MTMR14: variants seen among roughly 807,000 people sequenced by gnomAD.
MTMR14 encodes myotubularin related protein 14.
Under a neutral mutation model 86.3 loss-of-function variants are expected in MTMR14, and 48 were observed. That is an observed-to-expected ratio of 0.56 (90% CI 0.44 to 0.71). The LOEUF (loss-of-function observed/expected upper bound fraction) is 0.71. Among genes scored for constraint, MTMR14 ranks in the 30% least tolerant of loss-of-function variants. MTMR14 has a pLI of 0.00. For synonymous variants in MTMR14, 366 were observed against 326.1 expected, an observed-to-expected ratio of 1.12 and a Z score of -1.32; for missense variants, 780 against 834.6, an observed-to-expected ratio of 0.93 and a Z score of 0.81.
Position 9,684,659 on chromosome 3 carries a change from T to A in MTMR14, c.1039T>A (p.Ser347Thr). 1 of 1,614,150 alleles carries A rather than the reference T, an allele frequency of 6.2e-7. No individual in the cohort carries two copies. Among genetic ancestry groups the A allele is most frequent in the Non-Finnish European group, 8.5e-7 (1 of 1,180,000 alleles). The part of the protein sequence containing the change: ...TPLFISLLRL[S>T]LWADGLIHTS... ...CCTCTTCATCTCCCTCCTGCGCCTT[T>A]CCTTGTGGGCTGTGAGTATGAATCG... Residue 347 changes from serine to threonine, a missense_variant, in exon 11 of 19, where the codon TCC (serine) becomes ACC (threonine). Transcript: ENST00000296003.
chr3:9,688,032 A>T (rs937611254), intron 14 of MTMR14, 141 bp downstream of exon 14: 22 of 757,430 alleles, frequency 2.9e-5, no homozygotes, highest in Non-Finnish European at 4.5e-5. Context: ...CTTCGCTCTG[A>T]GGCCAGGGTA....
At chr3:9,660,839 G>C (rs1476379755) in intron 2 of MTMR14, among the ~76,000 whole-genome samples, 2 of 152,088 alleles carry the variant, frequency 1.3e-5, no homozygotes, top group African/African-American at 4.8e-5. Context: ...CCTTCTACTT[G>C]GTTACTCTGT....
intron 17 of MTMR14, among the ~76,000 whole-genome samples, chr3:9,696,009 A>C (rs1456630930): frequency 6.6e-6 from 1 of 152,212 alleles, no homozygotes; most frequent in Non-Finnish European, 1.5e-5. Flanking sequence ...GTCAGGTGAC[A>C]GACCATATCC....
At chr3:9,700,394 C>G (rs1433643088) in intron 18 of MTMR14, 2 of 152,202 alleles carry the variant, frequency 1.3e-5, no homozygotes, top group Non-Finnish European at 2.9e-5. Flanking sequence ...TGGGGGAACA[C>G]TATGTGAGTA....
chr3:9,660,290 C>T lies in MTMR14; in HGVS notation c.309-1977C>T, dbSNP rs544745825. ...TTTTTTTTTCCCCCAGACGGAGTCTCGCCCTTCGCCCAGGCTGGAGTGCAA... is the reference window on the plus strand; with the variant it reads ...TTTTTTTTTCCCCCAGACGGAGTCTTGCCCTTCGCCCAGGCTGGAGTGCAA... On this transcript the variant is annotated intron_variant, in intron 2 of 18. Transcript: ENST00000296003. Among the ~76,000 whole-genome samples, 6 of 152,010 alleles carry T rather than the reference C, an allele frequency of 3.9e-5. No individual in the cohort carries two copies. The East Asian group carries it at 9.7e-4, about 25-fold the overall frequency.
At chr3:9,656,280 A>G (rs1402647536) in intron 2 of MTMR14, among the ~76,000 whole-genome samples, 1 of 152,108 alleles carries the variant, frequency 6.6e-6, no homozygotes, top group Non-Finnish European at 1.5e-5. Context: ...TTGTAAATAG[A>G]TCACAGAAAC....
At chr3:9,653,882 C>A in intron 2 of MTMR14, 113 bp downstream of exon 2, 1 of 1,407,960 alleles carries the variant, frequency 7.1e-7, no homozygotes, top group Non-Finnish European at 1.0e-6. Flanking sequence ...AGGTGTTAAT[C>A]CTTATTGGCA....
intron 13 of MTMR14, 109 bp downstream of exon 13, chr3:9,685,356 C>T: frequency 2.2e-6 from 3 of 1,353,388 alleles, no homozygotes; most frequent in South Asian, 1.2e-5. Flanking sequence ...CCCAGGTGTG[C>T]AGGGATGTGG....
At position 9,670,864 on chromosome 3, in the gene MTMR14, G is replaced by C. The variant is rs568732034; in HGVS notation, c.555-184G>C. Among the ~76,000 whole-genome samples the C allele has an allele frequency of 3.3e-5, 5 of 152,288 alleles. No homozygotes were observed. In the South Asian group the frequency reaches 1.0e-3, roughly 32 times the overall value. On this transcript the variant is annotated intron_variant, in intron 5 of 18. Transcript: ENST00000296003. ...TCCCAGAGATTGGGGTAGTCTCTTA[G>C]AAAGTCACCTTCCCTGCAACCTCGC...
chr3:9,701,698 A>T lies in MTMR14; in HGVS notation c.1770-92A>T. ...CTGGCCTTGTACAGTCAGAAGAAGCACAAGGACAGGTGGTATGGAGGGAGG... is the reference window on the plus strand; with the variant it reads ...CTGGCCTTGTACAGTCAGAAGAAGCTCAAGGACAGGTGGTATGGAGGGAGG... On this transcript the variant is annotated intron_variant, in intron 18 of 18. Transcript: ENST00000296003. This position sits in a 1 kb window ranked among gnomAD's most constrained non-coding sequence, Gnocchi z 4.2. 9.3e-6 allele frequency: 13 copies of T among 1,396,766 alleles called. No individual in the cohort carries two copies. The highest frequency in any genetic ancestry group is 1.3e-5 in the Non-Finnish European group (13 of 1,031,474). 86.5% of individuals were successfully genotyped at this position (1,396,766 alleles called of 1,614,324 possible). A position where few individuals can be genotyped will look rare whatever the true frequency, so the allele number is the denominator to read the frequency against.
chr3:9,690,141 C>T lies in MTMR14; in HGVS notation c.1611C>T (p.Pro537=). Residue 537 remains proline, a splice_region_variant and synonymous_variant, in exon 17 of 19, where the codon CCC becomes CCT. Transcript: ENST00000296003. The part of the protein sequence containing the change: ...MGSSPLEVPK[P]RSVDHPLPGS... ...GCAGTCCCCTGGAGGTCCCCAAACC[C>T]AGGTGAGGAGCTCCAAAGCCCTTGC... The T allele has an allele frequency of 6.2e-7, 1 of 1,613,672 alleles. No individual in the cohort carries two copies. Among genetic ancestry groups the T allele is most frequent in the Non-Finnish European group, 8.5e-7 (1 of 1,180,000 alleles).
At chr3:9,686,709 G>C (rs1356889721) in intron 13 of MTMR14, among the ~76,000 whole-genome samples, 9 of 152,198 alleles carry the variant, frequency 5.9e-5, no homozygotes, top group African/African-American at 2.2e-4. Flanking sequence ...CTCTCCTTGT[G>C]GGGGGCAGCT....
chr3:9,669,404 A>C, intron 4 of MTMR14, 28 bp from the exon 5 acceptor site: 1 of 1,612,874 alleles, frequency 6.2e-7, no homozygotes, highest in Non-Finnish European at 8.5e-7. Flanking sequence ...CACCAGCCTC[A>C]GTACTGACAG....
At chr3:9,673,888 T>C (rs1199481253) in intron 7 of MTMR14, among the ~76,000 whole-genome samples, 1 of 152,126 alleles carries the variant, frequency 6.6e-6, no homozygotes, top group African/African-American at 2.4e-5. Context: ...GAACCTCCTT[T>C]TCCCTAAAAG....
At chr3:9,692,609 A>G (rs2076170423) in intron 17 of MTMR14, among the ~76,000 whole-genome samples, 3 of 152,210 alleles carry the variant, frequency 2.0e-5, no homozygotes, top group Admixed American at 1.3e-4. Flanking sequence ...CTCTGGAGTC[A>G]TGCATCCTTT....
chr3:9,669,924 C>A (rs1298105641), intron 5 of MTMR14, among the ~76,000 whole-genome samples: 1 of 152,190 alleles, frequency 6.6e-6, no homozygotes, highest in Non-Finnish European at 1.5e-5. Context: ...GACATGAGGT[C>A]TAGCCTGGAA....
chr3:9,695,555 A>G (rs1456298057), intron 17 of MTMR14, among the ~76,000 whole-genome samples: 2 of 152,176 alleles, frequency 1.3e-5, no homozygotes, highest in Non-Finnish European at 2.9e-5. Flanking sequence ...AAGGGAAGTG[A>G]CAAGCCCAGG....
At chr3:9,652,734 G>A (rs945252241) in intron 1 of MTMR14, among the ~76,000 whole-genome samples, 3 of 151,670 alleles carry the variant, frequency 2.0e-5, no homozygotes, top group African/African-American at 7.3e-5. Flanking sequence ...GGCCAGGCAT[G>A]GTGGCTCACA....
At chr3:9,664,827 G>T (rs1321754697) in intron 3 of MTMR14, among the ~76,000 whole-genome samples, 2 of 152,146 alleles carry the variant, frequency 1.3e-5, no homozygotes, top group Non-Finnish European at 2.9e-5. Context: ...GAATGAGTAA[G>T]ATCTAGTATT....
Sources: gnomAD v4.1 joint callset for allele counts (sites outside exome capture counted in the v4.1 genomes callset) on GRCh38, gnomAD v4.1.1 for gene constraint, Gnocchi (gnomAD v3.1) non-coding constraint, MANE v1.5 for transcripts, NCBI Gene and HGNC (gene_info 2026-07-23, HGNC 2026-07-21) for gene names.